Variants in UPP1 observed in about 807,000 individuals in gnomAD.
The protein encoded by UPP1 is UPase 1.
In UPP1, 25 loss-of-function variants were observed where a neutral mutation model predicts 29.6. The ratio of observed to expected loss-of-function variants is 0.85; its 90% confidence interval spans 0.62 to 1.18. The LOEUF is 1.18. Among genes scored for constraint, UPP1 ranks in the 50% most tolerant of loss-of-function variants. The pLI is 0.00. For synonymous variants in UPP1, 165 were observed against 159.8 expected (o/e 1.03, Z -0.25); for missense variants, 368 against 410.4 (o/e 0.90, Z 0.89).
At chr7:48,102,643 T>C (rs1792493648) in intron 5 of UPP1, among the ~76,000 whole-genome samples, 1 of 152,156 alleles carries the variant, frequency 6.6e-6, no homozygotes, top group South Asian at 2.1e-4. Context: ...TGTGTAAGGC[T>C]CCGTGACCGA....
At chr7:48,098,391 G>T (rs1248361945) in intron 3 of UPP1, among the ~76,000 whole-genome samples, 1 of 152,158 alleles carries the variant, frequency 6.6e-6, no homozygotes, top group Non-Finnish European at 1.5e-5. Context: ...AATAGGATGG[G>T]ACCATCTCAA....
chr7:48,103,721 C>T, intron 6 of UPP1: 3 of 1,270,656 alleles, frequency 2.4e-6, no homozygotes, highest in Non-Finnish European at 3.1e-6. Context: ...TCTTTCTAAT[C>T]CCCCTTCTTC....
At chr7:48,104,603 C>G (rs1373994559) in intron 6 of UPP1, 1 of 152,184 alleles carries the variant, frequency 6.6e-6, no homozygotes, top group East Asian at 1.9e-4. Context: ...AGGGGACTTG[C>G]TTTAGACCCA....
intron 2 of UPP1, among the ~76,000 whole-genome samples, chr7:48,092,249 A>T (rs1266729521): frequency 6.6e-6 from 1 of 152,150 alleles, no homozygotes. Flanking sequence ...TTCCTGCCCC[A>T]CAGAAACTGG....
At chr7:48,095,332 C>T (rs1049937625) in intron 3 of UPP1, among the ~76,000 whole-genome samples, 1 of 151,886 alleles carries the variant, frequency 6.6e-6, no homozygotes, top group African/African-American at 2.4e-5. Context: ...ATTTTCTCAC[C>T]CCCCCAGTTG....
intron 5 of UPP1, 131 bp downstream of exon 5, chr7:48,102,113 A>C (rs1792460833): frequency 9.6e-7 from 1 of 1,042,502 alleles, no homozygotes; most frequent in Non-Finnish European, 1.4e-6. Context: ...GGGTGAGCCC[A>C]CAGTAGCTGG....
chr7:48,102,927 G>A (rs1792511861), intron 5 of UPP1, among the ~76,000 whole-genome samples: 1 of 152,168 alleles, frequency 6.6e-6, no homozygotes, highest in African/African-American at 2.4e-5. Context: ...AGAGAAAGGA[G>A]ATAAAACTTT....
chr7:48,091,645 T>G (rs1310274558), intron 2 of UPP1, among the ~76,000 whole-genome samples: 3 of 152,234 alleles, frequency 2.0e-5, no homozygotes, highest in East Asian at 3.8e-4. Flanking sequence ...TGCAGACATC[T>G]GCAACTTTCT....
chr7:48,100,663 T>C (rs542453718), intron 4 of UPP1, among the ~76,000 whole-genome samples: 1 of 152,296 alleles, frequency 6.6e-6, no homozygotes, highest in East Asian at 1.9e-4. Context: ...AATCAAAATA[T>C]ACCAGGACGC....
At chr7:48,096,424 T>C (rs1476980569) in intron 3 of UPP1, among the ~76,000 whole-genome samples, 1 of 152,224 alleles carries the variant, frequency 6.6e-6, no homozygotes, top group East Asian at 1.9e-4. Flanking sequence ...AAGCCTTCCA[T>C]GAGTGGAACT....
Position 48,101,806 on chromosome 7 carries a change from T to A in UPP1, c.163-18T>A. The A allele has an allele frequency of 6.2e-7, 1 of 1,611,932 alleles. No individual in the cohort carries two copies. Among genetic ancestry groups the A allele is most frequent in the South Asian group, 1.1e-5 (1 of 90,782 alleles). ...TATAGACAGTGCACTAATGGGGGTC[T>A]CTCTTCTCTGGCTGCAGTTTGTGTG... On this transcript the variant is annotated intron_variant, in intron 4 of 8. Coordinates refer to ENST00000395564, the MANE Select transcript of UPP1 (RefSeq NM_003364.4).
rs148923510 is a variant in UPP1 at position 48,106,947 on chromosome 7, G to T, written c.511G>T (p.Val171Phe). The T allele has an allele frequency of 6.1e-5, 98 of 1,613,548 alleles. No homozygotes were observed. Among genetic ancestry groups the T allele is most frequent in the Middle Eastern group, 1.8e-4 (1 of 5,600 alleles). Residue 171 changes from valine to phenylalanine, a missense_variant, in exon 7 of 9, where the codon GTC becomes TTC. Coordinates refer to ENST00000395564, the MANE Select transcript of UPP1 (RefSeq NM_003364.4). The stretch of plus-strand genomic sequence containing the variant: ...CTTCAAGGCAGAGTTTGAGCAGATT[G>T]TCCTGGGGAAGCGGGTCATCCGGAA... ...TCFKAEFEQI[V>F]LGKRVIRKTD...
intron 6 of UPP1, chr7:48,105,436 AAAC>A (rs1345114440): frequency 3.3e-5 from 5 of 152,336 alleles, no homozygotes; most frequent in African/African-American, 1.2e-4. Context: ...TGTTTCATGA[AAAC>A]AACTGACTTG....
intron 6 of UPP1, chr7:48,103,784 AT>A (rs773510441): frequency 1.2e-5 from 16 of 1,291,490 alleles, no homozygotes; most frequent in Non-Finnish European, 1.6e-5. Flanking sequence ...TCCTGCAGGG[AT>A]TTTGAAGCAC....
intron 6 of UPP1, chr7:48,106,459 C>A: frequency 5.1e-6 from 1 of 195,922 alleles, no homozygotes; most frequent in East Asian, 1.1e-4. Context: ...TACAGACACC[C>A]GGCACAATGC....
chr7:48,099,484 G>A (rs908105967), intron 3 of UPP1, among the ~76,000 whole-genome samples, 186 bp from the exon 4 acceptor site: 1 of 152,156 alleles, frequency 6.6e-6, no homozygotes, highest in Non-Finnish European at 1.5e-5. Context: ...AGAGGGAGGA[G>A]AAGGGGGAAG....
chr7:48,092,998 A>G (rs1333630299), intron 2 of UPP1, among the ~76,000 whole-genome samples: 1 of 152,006 alleles, frequency 6.6e-6, no homozygotes, highest in Non-Finnish European at 1.5e-5. Flanking sequence ...GCCACTGTGC[A>G]TGGCCCCCTG....
intron 2 of UPP1, among the ~76,000 whole-genome samples, chr7:48,092,572 C>T (rs183107338): frequency 1.8e-4 from 27 of 152,228 alleles, no homozygotes; most frequent in Non-Finnish European, 2.5e-4. Context: ...TGTTGTGACT[C>T]ATGCCTGTAA....
At chr7:48,108,157 C>A in intron 8 of UPP1, 61 bp from the exon 9 acceptor site, 1 of 1,574,552 alleles carries the variant, frequency 6.4e-7, no homozygotes, top group Non-Finnish European at 8.7e-7. Flanking sequence ...TTCTTCATCC[C>A]GTCCCTGTGA....
Sources: gnomAD v4.1 joint callset for allele counts (sites outside exome capture counted in the v4.1 genomes callset) on GRCh38, gnomAD v4.1.1 for gene constraint, MANE v1.5 for transcripts, NCBI Gene and HGNC (gene_info 2026-07-23, HGNC 2026-07-21) for gene names.